Variants in USH2A observed in about 807,000 individuals in gnomAD.
The protein encoded by USH2A is usherin.
USH2A carries 443 observed loss-of-function variants against 538.9 expected under a neutral mutation model. The observed-to-expected ratio is 0.82, with a 90% CI of 0.76 to 0.89. USH2A has a LOEUF of 0.89. Ranked by LOEUF, USH2A falls within the 40% of genes least tolerant of loss-of-function variation. The pLI is 0.00. For synonymous variants in USH2A, 2,413 were observed against 2,273.5 expected (o/e 1.06, Z -1.75); for missense variants, 6,633 against 6,324.8 (o/e 1.05, Z -1.65).
At chr1:216,128,536 A>G (rs952566088) in intron 21 of USH2A, among the ~76,000 whole-genome samples, 2 of 152,118 alleles carry the variant, frequency 1.3e-5, no homozygotes, top group East Asian at 1.9e-4. Context: ...ATCTCTTCCT[A>G]TCTATCCTCG....
chr1:215,691,722 T>G (rs1004245447), intron 61 of USH2A, among the ~76,000 whole-genome samples: 1 of 152,224 alleles, frequency 6.6e-6, no homozygotes, highest in Admixed American at 6.5e-5. Flanking sequence ...CTGCATCTAC[T>G]TCATTCTCTC....
At chr1:216,265,361 A>T (rs2036451197) in intron 11 of USH2A, among the ~76,000 whole-genome samples, 1 of 152,118 alleles carries the variant, frequency 6.6e-6, no homozygotes, top group Non-Finnish European at 1.5e-5. Context: ...GCTTACAAGG[A>T]TGCAGAGAAA....
At chr1:215,944,071 T>C (rs1666701194) in intron 37 of USH2A, among the ~76,000 whole-genome samples, 1 of 152,168 alleles carries the variant, frequency 6.6e-6, no homozygotes, top group African/African-American at 2.4e-5. Flanking sequence ...AAGATTGAAA[T>C]ATCCAAGGAA....
At chr1:215,759,949 T>TA (rs1318824133) in intron 56 of USH2A, 106 bp from the exon 57 acceptor site, 9 of 1,319,146 alleles carry the variant, frequency 6.8e-6, no homozygotes, top group Admixed American at 5.3e-5. Context: ...CTGTTGATTT[T>TA]AAAAAATATC....
chr1:215,918,065 T>G (rs1666005984), intron 38 of USH2A, among the ~76,000 whole-genome samples: 1 of 152,028 alleles, frequency 6.6e-6, no homozygotes, highest in South Asian at 2.1e-4. Context: ...TATTCTAAGA[T>G]ACAATCAAAT....
chr1:216,168,688 C>T (rs908124803), intron 21 of USH2A, among the ~76,000 whole-genome samples: 2 of 152,104 alleles, frequency 1.3e-5, no homozygotes, highest in African/African-American at 4.8e-5. Context: ...AGATTCCGAA[C>T]CTCCCCAAAT....
At chr1:216,078,636 T>C (rs2031834706) in intron 26 of USH2A, among the ~76,000 whole-genome samples, 1 of 152,140 alleles carries the variant, frequency 6.6e-6, no homozygotes, top group African/African-American at 2.4e-5. Flanking sequence ...GACCTAAGGT[T>C]TACTTTTGCT....
At chr1:216,075,354 A>T (rs2031709914) in intron 27 of USH2A, among the ~76,000 whole-genome samples, 2 of 152,150 alleles carry the variant, frequency 1.3e-5, no homozygotes, top group Admixed American at 6.5e-5. Context: ...CCCCAGACCT[A>T]AAACATTTGA....
rs1249318716 is a variant in USH2A at position 215,993,124 on chromosome 1, G to A, written c.6701C>T (p.Ala2234Val). The A allele has an allele frequency of 7.4e-6, 12 of 1,613,874 alleles. No individual in the cohort carries two copies. Among genetic ancestry groups the A allele is most frequent in the Non-Finnish European group, 9.3e-6 (11 of 1,179,948 alleles). Residue 2234 changes from alanine (A) to valine (V), a missense_variant, in exon 35 of 72, where the codon GCC becomes GTC. Ala to Val is a moderately conservative substitution (Grantham distance 64, BLOSUM62 0). Coordinates refer to ENST00000307340, the MANE Select transcript of USH2A (RefSeq NM_206933.4). ...TTCGGGTATGTCCTCGTCAGTTAGG[G>A]CCTCACTGGCCTCACTCACTGTGCA... is the stretch of plus-strand genomic sequence containing the variant. ...GGCTVSEASE[A>V]LTDEDIPEGV...
intron 36 of USH2A, among the ~76,000 whole-genome samples, chr1:215,970,375 C>G (rs1424991136): frequency 6.6e-6 from 1 of 152,190 alleles, no homozygotes; most frequent in Non-Finnish European, 1.5e-5. Flanking sequence ...GCCTACTACA[C>G]TAGCCAACTT....
chr1:215,630,030 C>T (rs1656212765), intron 70 of USH2A: 2 of 491,672 alleles, frequency 4.1e-6, no homozygotes, highest in South Asian at 1.5e-5. Context: ...CCGCCTCGGC[C>T]TCCCATTTCT....
At chr1:215,839,244 A>G (rs139218321) in intron 46 of USH2A, among the ~76,000 whole-genome samples, 75 of 152,364 alleles carry the variant, frequency 4.9e-4, no homozygotes, top group Non-Finnish European at 6.6e-4. Flanking sequence ...AATATAATTA[A>G]TGAAAATGAA....
chr1:216,073,794 G>A (rs1437013577), intron 27 of USH2A, among the ~76,000 whole-genome samples: 1 of 152,236 alleles, frequency 6.6e-6, no homozygotes, highest in East Asian at 1.9e-4. Flanking sequence ...TACCAGGAGA[G>A]AGAACATAAT....
At chr1:215,831,131 A>G (rs1452428165) in intron 47 of USH2A, among the ~76,000 whole-genome samples, 1 of 152,216 alleles carries the variant, frequency 6.6e-6, no homozygotes, top group Non-Finnish European at 1.5e-5. Flanking sequence ...GGCTTATCAC[A>G]TAATGATACA....
intron 15 of USH2A, among the ~76,000 whole-genome samples, chr1:216,210,258 T>C (rs868716587): frequency 9.3e-5 from 14 of 151,186 alleles, no homozygotes; most frequent in African/African-American, 3.2e-4. Context: ...CTGGAGGCTA[T>C]ATGAGTAAAC....
chr1:215,773,097 T>A (rs935548646), intron 55 of USH2A, among the ~76,000 whole-genome samples: 10 of 152,112 alleles, frequency 6.6e-5, no homozygotes, highest in Non-Finnish European at 1.3e-4. Context: ...AGCCTTTTCT[T>A]TTTAGTAAAA....
intron 61 of USH2A, among the ~76,000 whole-genome samples, chr1:215,694,772 T>A (rs950271464): frequency 6.6e-6 from 1 of 152,242 alleles, no homozygotes; most frequent in Non-Finnish European, 1.5e-5. Context: ...GGTTAGGATT[T>A]CATTGTAAGG....
chr1:215,636,417 T>C lies in USH2A; in HGVS notation c.15053-1714A>G, dbSNP rs1171332296. Reference sequence around the variant, plus strand: ...GTTGGACTCTGACCTTTGCTTCTCATCTCTAAAATAAAGGGTTGAGTCAAC... The same window carrying C: ...GTTGGACTCTGACCTTTGCTTCTCACCTCTAAAATAAAGGGTTGAGTCAAC... On this transcript the variant is annotated intron_variant, in intron 69 of 71. Transcript: ENST00000307340. Among the ~76,000 whole-genome samples the C allele has an allele frequency of 3.9e-5, 6 of 152,200 alleles. No homozygotes were observed. The East Asian group carries it at 1.2e-3, about 29-fold the overall frequency.
chr1:216,231,671 C>G (rs1272603752), intron 14 of USH2A, among the ~76,000 whole-genome samples: 1 of 151,878 alleles, frequency 6.6e-6, no homozygotes, highest in Non-Finnish European at 1.5e-5. Flanking sequence ...CCTCAGACTT[C>G]TGAGTAGTTG....
Sources: allele counts gnomAD v4.1 joint callset (sites outside exome capture counted in the v4.1 genomes callset), GRCh38; gene constraint gnomAD v4.1.1; transcripts MANE v1.5; gene names NCBI Gene and HGNC (gene_info 2026-07-23, HGNC 2026-07-21).